KYNU: variants seen among roughly 807,000 people sequenced by gnomAD.
KYNU encodes the protein L-kynurenine hydrolase.
In KYNU, 54 loss-of-function variants were observed where a neutral mutation model predicts 59.2. The observed-to-expected ratio is 0.91, with a 90% CI of 0.73 to 1.14. KYNU has a LOEUF of 1.14. Ranked by LOEUF, KYNU falls within the 50% of genes most tolerant of loss-of-function variation. The pLI, the probability that KYNU is intolerant of heterozygous loss-of-function variation, is 0.00. For missense variants in KYNU, 567 were observed against 554.4 expected, an observed-to-expected ratio of 1.02 and a Z score of -0.23; for synonymous variants, 177 against 192.0, an observed-to-expected ratio of 0.92 and a Z score of 0.65.
intron 2 of KYNU, among the ~76,000 whole-genome samples, chr2:142,916,057 C>A (rs762565958): frequency 6.6e-6 from 1 of 152,050 alleles, no homozygotes; most frequent in African/African-American, 2.4e-5. Context: ...CATCACAGTG[C>A]TTGAAAGTAA....
chr2:143,040,578 G>T lies in KYNU; in HGVS notation c.1192G>T (p.Glu398Ter), dbSNP rs1687016111. 1.2e-6 allele frequency: 2 copies of T among 1,612,688 alleles called. No homozygotes were observed. The highest frequency in any genetic ancestry group is 1.7e-6 in the Non-Finnish European group (2 of 1,179,222). The change falls in exon 13 of 14, where the codon GAG becomes TAG. Residue 398 changes from glutamate to a stop codon, truncating the protein, a stop_gained. Transcript: ENST00000264170. LOFTEE classifies it high-confidence loss of function. The stretch of plus-strand genomic sequence containing the variant: ...CATAATTACTCCGTCTCATGTAGAG[G>T]AGCGGGGGTGCCAGCTAACAATAAC... The part of the protein sequence containing the change: ...VNIITPSHVE[E>*]RGCQLTITFS...
intron 2 of KYNU, 140 bp downstream of exon 2, chr2:142,885,676 T>G: frequency 1.2e-6 from 1 of 811,402 alleles, no homozygotes; most frequent in South Asian, 1.7e-5. Flanking sequence ...AGAAGATCCC[T>G]GGTGCTCTCA....
intron 10 of KYNU, among the ~76,000 whole-genome samples, chr2:142,992,656 A>C (rs371245928): frequency 6.6e-6 from 1 of 151,784 alleles, no homozygotes; most frequent in African/African-American, 2.4e-5. Context: ...ACATCTTTCT[A>C]TCTCAGAAAC....
At chr2:142,880,335 T>C (rs1250755669) in intron 1 of KYNU, among the ~76,000 whole-genome samples, 1 of 152,186 alleles carries the variant, frequency 6.6e-6, no homozygotes, top group East Asian at 1.9e-4. Flanking sequence ...CCCTGGAGAC[T>C]TGCACATAGC....
At chr2:142,910,436 T>G (rs1163861864) in intron 2 of KYNU, among the ~76,000 whole-genome samples, 6 of 152,152 alleles carry the variant, frequency 3.9e-5, no homozygotes, top group African/African-American at 7.2e-5. Flanking sequence ...GTTTCTCGCT[T>G]GTCGAATTGC....
rs944521294 is a variant in KYNU at position 142,885,487 on chromosome 2, G to A, written c.120G>A (p.Arg40=). The A allele has an allele frequency of 4.3e-6, 7 of 1,613,872 alleles. No homozygotes were observed. Among genetic ancestry groups the A allele is most frequent in the African/African-American group, 4.0e-5 (3 of 74,894 alleles). The change falls in exon 2 of 14, where the codon AGG becomes AGA. Residue 40 remains arginine (R), a synonymous_variant. Coordinates refer to ENST00000264170, the MANE Select transcript of KYNU (RefSeq NM_003937.3). ...ACCTAGATGAGGAAGATAAGCTGAG[G>A]CACTTCAGGGAGTGCTTTTATATTC... ...ALHLDEEDKL[R]HFRECFYIPK... is the part of the protein sequence containing the mutation.
intron 8 of KYNU, among the ~76,000 whole-genome samples, chr2:142,981,497 G>T (rs578099634): frequency 7.9e-5 from 12 of 152,190 alleles, no homozygotes; most frequent in African/African-American, 2.9e-4. Flanking sequence ...GTGTGTGTCT[G>T]TTAAAGCTAA....
chr2:143,043,116 A>G lies in KYNU; in HGVS notation c.*944A>G, dbSNP rs980491755. On this transcript the variant is annotated 3_prime_UTR_variant, in exon 14 of 14. Transcript: ENST00000264170. ...TGTTTCTTTCTTTAATGTTATCATA[A>G]TCTCTTACTTTTTAAATGAGAACTT... The G allele has an allele frequency of 5.3e-5, 8 of 151,808 alleles. No individual in the cohort carries two copies. The highest frequency in any genetic ancestry group is 1.2e-4 in the Non-Finnish European group (8 of 67,884). The allele number at this position is 151,808 out of a possible 1,614,324, so 9.4% of individuals were successfully genotyped here.
At chr2:142,906,052 CCT>C (rs1558912943) in intron 2 of KYNU, among the ~76,000 whole-genome samples, 1 of 144,612 alleles carries the variant, frequency 6.9e-6, no homozygotes, top group Non-Finnish European at 1.5e-5. Context: ...TCTCTCTCTG[CCT>C]CTTTCTCTTT....
At chr2:142,947,910 G>A (rs1683852231) in intron 4 of KYNU, 1 of 152,206 alleles carries the variant, frequency 6.6e-6, no homozygotes, top group Non-Finnish European at 1.5e-5. Context: ...ATGCCCTGTT[G>A]AGAGACTGCT....
At chr2:143,015,221 T>C (rs1167516454) in intron 10 of KYNU, among the ~76,000 whole-genome samples, 1 of 152,216 alleles carries the variant, frequency 6.6e-6, no homozygotes, top group African/African-American at 2.4e-5. Flanking sequence ...ATTCTGAAGC[T>C]AAATATTAAG....
At chr2:143,032,294 AAAAAAAACAAAAC>A (rs1686772304) in intron 11 of KYNU, among the ~76,000 whole-genome samples, 1 of 83,910 alleles carries the variant, frequency 1.2e-5, no homozygotes, top group African/African-American at 3.4e-5. Context: ...AAAAACAAAA[AAAAAAAACAAAAC>A]AAAAAAAACT....
At chr2:142,952,242 T>C (rs1425549799) in intron 4 of KYNU, among the ~76,000 whole-genome samples, 7 of 151,890 alleles carry the variant, frequency 4.6e-5, no homozygotes, top group Non-Finnish European at 1.0e-4. Context: ...CATCCAGCTG[T>C]TTTTTGTATT....
At chr2:143,033,090 T>C (rs1686804624) in intron 11 of KYNU, 146 bp from the exon 12 acceptor site, 2 of 699,730 alleles carry the variant, frequency 2.9e-6, no homozygotes, top group Non-Finnish European at 5.1e-6. Flanking sequence ...ATATTTTAGT[T>C]CCATGGAGCT....
chr2:142,913,101 A>G (rs945036127), intron 2 of KYNU, among the ~76,000 whole-genome samples: 1 of 151,952 alleles, frequency 6.6e-6, no homozygotes, highest in Admixed American at 6.6e-5. Flanking sequence ...TTTCTTTTTA[A>G]TCTAGATAGT....
At chr2:143,030,394 T>G (rs1686705732) in intron 11 of KYNU, among the ~76,000 whole-genome samples, 1 of 152,340 alleles carries the variant, frequency 6.6e-6, no homozygotes, top group South Asian at 2.1e-4. Flanking sequence ...ATACGTGCTT[T>G]GAGAGTTCAA....
intron 10 of KYNU, among the ~76,000 whole-genome samples, chr2:143,024,107 CA>C (rs888479165): frequency 1.0e-4 from 15 of 148,208 alleles, no homozygotes; most frequent in Non-Finnish European, 1.4e-4. Context: ...GAATTCAGAC[CA>C]AAAAAAAATG....
At chr2:142,905,360 A>T (rs898275599) in intron 2 of KYNU, among the ~76,000 whole-genome samples, 3 of 151,920 alleles carry the variant, frequency 2.0e-5, no homozygotes, top group African/African-American at 7.3e-5. Context: ...AATTCTCCTA[A>T]CTCTTCTTCC....
intron 8 of KYNU, among the ~76,000 whole-genome samples, chr2:142,984,398 T>C (rs967085668): frequency 6.6e-6 from 1 of 152,028 alleles, no homozygotes; most frequent in Non-Finnish European, 1.5e-5. Flanking sequence ...GCAGCAAATA[T>C]TATAAGTTGT....
Sources: gnomAD v4.1 joint callset for allele counts (sites outside exome capture counted in the v4.1 genomes callset) on GRCh38, gnomAD v4.1.1 for gene constraint, MANE v1.5 for transcripts, NCBI Gene and HGNC (gene_info 2026-07-23, HGNC 2026-07-21) for gene names.